Variants in UNC79 observed in about 807,000 individuals in gnomAD.
The protein encoded by UNC79 is protein unc-79 homolog.
Under a neutral mutation model 283.1 loss-of-function variants are expected in UNC79, and 37 were observed. That is an observed-to-expected ratio of 0.13 (90% CI 0.10 to 0.17). The LOEUF (loss-of-function observed/expected upper bound fraction) is 0.17, where lower values mean the gene tolerates loss of function less well. UNC79 is among the 10% of genes least tolerant of loss of function. The probability of loss-of-function intolerance (pLI) is 1.00; values close to 1 mark genes in which losing one functional copy is unlikely to be tolerated. For synonymous variants in UNC79, 1,107 were observed against 1,200.2 expected (o/e 0.92, Z 1.61); for missense variants, 2,272 against 3,211.1 (o/e 0.71, Z 7.07).
intron 1 of UNC79, among the ~76,000 whole-genome samples, chr14:93,439,129 A>G (rs1290718706): frequency 6.6e-6 from 1 of 152,108 alleles, no homozygotes; most frequent in Non-Finnish European, 1.5e-5. Context: ...TTCAAGATAT[A>G]CAATTGTATG....
chr14:93,603,914 G>A (rs559365022), intron 26 of UNC79, among the ~76,000 whole-genome samples: 2 of 151,896 alleles, frequency 1.3e-5, no homozygotes, highest in Non-Finnish European at 2.9e-5. Flanking sequence ...TAGAGAAATC[G>A]GGCTGAGAAA....
chr14:93,515,811 C>T (rs559503118), intron 7 of UNC79, among the ~76,000 whole-genome samples: 6 of 152,056 alleles, frequency 3.9e-5, no homozygotes, highest in African/African-American at 1.4e-4. Flanking sequence ...AATATGCTCT[C>T]TCATTCAGGG....
At chr14:93,376,405 A>G (rs1310999652) in intron 1 of UNC79, among the ~76,000 whole-genome samples, 3 of 152,182 alleles carry the variant, frequency 2.0e-5, no homozygotes, top group Admixed American at 6.5e-5. Context: ...AATGCGTTCC[A>G]GGGTAGAATA....
At chr14:93,572,256 C>T (rs914198281) in intron 15 of UNC79, among the ~76,000 whole-genome samples, 172 bp downstream of exon 15, 1 of 152,170 alleles carries the variant, frequency 6.6e-6, no homozygotes, top group African/African-American at 2.4e-5. Flanking sequence ...ATACCTCAAC[C>T]TAAGATGATT....
At chr14:93,703,893 C>T (rs1246898012) in intron 47 of UNC79, among the ~76,000 whole-genome samples, 1 of 152,180 alleles carries the variant, frequency 6.6e-6, no homozygotes, top group Admixed American at 6.5e-5. Flanking sequence ...TCTGGATGCA[C>T]AAGGCCATGA....
chr14:93,333,354 C>G, exon 1 of UNC79: 1 of 398,422 alleles, frequency 2.5e-6, no homozygotes, highest in Non-Finnish European at 4.4e-6. Flanking sequence ...ACTACTACGT[C>G]ACCAGATGGC....
At chr14:93,698,651 A>G (rs1386495617) in intron 47 of UNC79, among the ~76,000 whole-genome samples, 1 of 151,672 alleles carries the variant, frequency 6.6e-6, no homozygotes, top group African/African-American at 2.4e-5. Context: ...ATGCCCAGCT[A>G]ATTTTTGTAT....
intron 4 of UNC79, among the ~76,000 whole-genome samples, chr14:93,483,486 C>T (rs1359121768): frequency 6.7e-6 from 1 of 149,666 alleles, no homozygotes; most frequent in Non-Finnish European, 1.5e-5. Flanking sequence ...ACAGCTCTAG[C>T]ATCTAGGATC....
At chr14:93,452,902 T>C (rs1255107499) in intron 1 of UNC79, among the ~76,000 whole-genome samples, 1 of 152,218 alleles carries the variant, frequency 6.6e-6, no homozygotes, top group Non-Finnish European at 1.5e-5. Flanking sequence ...TTTAGAGAGT[T>C]GTACTTTTAT....
downstream of UNC79, chr14:93,707,859 T>C (rs1027215559): frequency 1.3e-5 from 2 of 152,228 alleles, no homozygotes; most frequent in Non-Finnish European, 1.5e-5. Flanking sequence ...GACATGCTAT[T>C]AAATGCGTTT....
At position 93,341,758 on chromosome 14, in the gene UNC79, A is replaced by G. The variant is rs180681839; in HGVS notation, c.-351+8235A>G. On this transcript the variant is annotated intron_variant, in intron 1 of 49. Coordinates refer to the UNC79 transcript ENST00000256339. ...ATAAAATTCTAAGGCCTCCCCCACC[A>G]TCTAAATGAACCCCTCCTCTCTGCC... is the stretch of plus-strand genomic sequence containing the variant. 4.3e-3 allele frequency among the ~76,000 whole-genome samples: 653 copies of G among 152,262 alleles called. 5 individuals carry two copies. Among genetic ancestry groups the G allele is most frequent in the African/African-American group, 0.015 (615 of 41,554 alleles).
intron 34 of UNC79, 91 bp from the exon 38 acceptor site, chr14:93,646,517 C>T: frequency 1.5e-6 from 2 of 1,302,046 alleles, no homozygotes; most frequent in South Asian, 2.5e-5. Flanking sequence ...CCCATCTAAA[C>T]TGGAAACACA....
intron 1 of UNC79, among the ~76,000 whole-genome samples, chr14:93,464,051 AG>A (rs1441170077): frequency 6.6e-6 from 1 of 152,152 alleles, no homozygotes; most frequent in Non-Finnish European, 1.5e-5. Context: ...TGGGAGGCTG[AG>A]GCAGGAGAAT....
Position 93,572,825 on chromosome 14 carries a change from A to G in UNC79, c.2070+9A>G, listed in dbSNP as rs1392530115. Reference sequence around the variant, plus strand: ...CTTTACTGTGGCTTCATGTAAGTGAATAATACTTTCGATCATTTTAGGAAA... The same window carrying G: ...CTTTACTGTGGCTTCATGTAAGTGAGTAATACTTTCGATCATTTTAGGAAA... On this transcript the variant is annotated intron_variant, in intron 16 of 48. Coordinates refer to ENST00000555664, the Ensembl canonical transcript of UNC79. 4 of 1,612,246 alleles carry G rather than the reference A, an allele frequency of 2.5e-6. No homozygotes were observed. The highest frequency in any genetic ancestry group is 3.4e-6 in the Non-Finnish European group (4 of 1,179,500).
chr14:93,406,921 T>G (rs190278474), intron 1 of UNC79, among the ~76,000 whole-genome samples: 8 of 152,262 alleles, frequency 5.3e-5, no homozygotes, highest in Admixed American at 1.3e-4. Flanking sequence ...GCTAGAAGTC[T>G]AAAGAAAATC....
intron 12 of UNC79, among the ~76,000 whole-genome samples, chr14:93,539,161 C>G (rs974409376): frequency 1.3e-5 from 2 of 150,346 alleles, no homozygotes; most frequent in African/African-American, 4.9e-5. Context: ...CCTGGGCCTC[C>G]CAAAGTGCTG....
At chr14:93,646,551 G>T (rs1177743238) in intron 34 of UNC79, 57 bp from the exon 38 acceptor site, 7 of 1,546,672 alleles carry the variant, frequency 4.5e-6, no homozygotes, top group Non-Finnish European at 6.2e-6. Context: ...CAATATTAAT[G>T]CATTTCATCA....
intron 41 of UNC79, among the ~76,000 whole-genome samples, chr14:93,675,507 G>A (rs568773986): frequency 2.6e-5 from 4 of 152,186 alleles, no homozygotes; most frequent in Non-Finnish European, 4.4e-5. Context: ...GTAGAGATGT[G>A]TACTGAGTAA....
intron 7 of UNC79, among the ~76,000 whole-genome samples, chr14:93,498,927 T>C (rs772907847): frequency 1.3e-5 from 2 of 152,182 alleles, no homozygotes; most frequent in Non-Finnish European, 2.9e-5. Context: ...TCCAAGTTAT[T>C]GTAGGATTGC....
Sources: allele counts gnomAD v4.1 joint callset (sites outside exome capture counted in the v4.1 genomes callset), GRCh38; gene constraint gnomAD v4.1.1; transcripts MANE v1.5; gene names NCBI Gene and HGNC (gene_info 2026-07-23, HGNC 2026-07-21).